Variants in MUC6 observed in about 807,000 individuals in gnomAD.
MUC6 encodes mucin-6.
A neutral mutation model predicts 201.5 loss-of-function variants in MUC6; 188 were observed. The ratio of observed to expected loss-of-function variants is 0.93; its 90% confidence interval spans 0.83 to 1.05. MUC6 has a LOEUF of 1.05. Among genes scored for constraint, MUC6 ranks in the 50% least tolerant of loss-of-function variants. The pLI, the probability that MUC6 is intolerant of heterozygous loss-of-function variation, is 0.00. For missense variants in MUC6, 2,706 were observed against 3,256.9 expected (o/e 0.83, Z 4.12); for synonymous variants, 1,228 against 1,389.4 (o/e 0.88, Z 2.58).
In MUC6 at chr11:1,032,367, G is replaced by T. The variant is rs189830686; in HGVS notation, c.116-314C>A. 2.0e-5 allele frequency among the ~76,000 whole-genome samples: 3 copies of T among 152,168 alleles called. No homozygotes were observed. In the East Asian group the frequency reaches 5.8e-4, roughly 29 times the overall value. ...CAGGTGTGTCCATGTGTGCATTGTG[G>T]GTGTGTGTGTGTTGGAGGGCTGTGT... On this transcript the variant is annotated intron_variant, in intron 2 of 32. Transcript: ENST00000421673.
chr11:1,036,623 G>C lies in MUC6; in HGVS notation c.33C>G (p.Cys11Trp). Residue 11 changes from cysteine to tryptophan, a missense_variant, in exon 1 of 33, where the codon TGC becomes TGG. By Grantham distance (215) the Cys-to-Trp change is radical. Coordinates refer to ENST00000421673, the MANE Select transcript of MUC6 (RefSeq NM_005961.3). Reference sequence around the variant, plus strand: ...ACTCACCAGCGCTGAGCAGGGCTCCGCAGCAGGACAGCAGCAGCCACCGCT... The same window carrying C: ...ACTCACCAGCGCTGAGCAGGGCTCCCCAGCAGGACAGCAGCAGCCACCGCT... Reference protein sequence around the residue: MVQRWLLLSCCGALLSAGLAN... With the variant: MVQRWLLLSCWGALLSAGLAN... The C allele has an allele frequency of 1.3e-6, 2 of 1,548,502 alleles. No homozygotes were observed. Among genetic ancestry groups the C allele is most frequent in the Non-Finnish European group, 1.7e-6 (2 of 1,146,478 alleles).
rs1345796367 is a variant in MUC6 at position 1,024,206 on chromosome 11, G to T, written c.3226-103C>A. On this transcript the variant is annotated intron_variant, in intron 24 of 32. Coordinates refer to ENST00000421673, the MANE Select transcript of MUC6 (RefSeq NM_005961.3). ...CAGTGTGGTCAGGCCGGAGTGTGGC[G>T]GTAAGGGCGCTGGGACTGGGTGAGC... 4 of 1,359,502 alleles carry T rather than the reference G, an allele frequency of 2.9e-6. No homozygotes were observed. The African/African-American group carries it at 4.3e-5, about 15-fold the overall frequency. 84.2% of individuals were successfully genotyped at this position (1,359,502 alleles called of 1,614,324 possible).
chr11:1,024,209 A>T (rs991919756), intron 24 of MUC6, 106 bp from the exon 25 acceptor site: 1 of 1,343,484 alleles, frequency 7.4e-7, no homozygotes, highest in Admixed American at 2.1e-5. Context: ...GTGTGGCGGT[A>T]AGGGCGCTGG....
In MUC6 at chr11:1,025,029, C is replaced by G; in HGVS notation, c.3040G>C (p.Glu1014Gln). The change falls in exon 24 of 33, where the codon GAG (glutamate) becomes CAG (glutamine). Residue 1014 changes from glutamate (E) to glutamine (Q), a missense_variant. Coordinates refer to ENST00000421673, the MANE Select transcript of MUC6 (RefSeq NM_005961.3). Reference protein sequence around the residue: ...NFNGNMKDDFETRSRYVASSE... With the variant: ...NFNGNMKDDFQTRSRYVASSE... ...GATGCCACGTACCTGCTGCGCGTCT[C>G]GAAGTCGTCCTTCATGTTCCCGTTG... The G allele has an allele frequency of 6.2e-7, 1 of 1,612,986 alleles. No homozygotes were observed.
intron 7 of MUC6, 31 bp from the exon 8 acceptor site, chr11:1,030,366 T>TGGCCCCCCCCCCCCCCCC: frequency 1.3e-6 from 2 of 1,489,568 alleles, no homozygotes; most frequent in African/African-American, 1.4e-5. Context: ...GGTGAGAGGG[T>TGGCCCCCCCCCCCCCCCC]CCCACCCCCC....
chr11:1,033,008 C>G lies in MUC6; in HGVS notation c.115+5G>C. On this transcript the variant is annotated splice_donor_5th_base_variant and intron_variant, in intron 2 of 32. Coordinates refer to ENST00000421673, the MANE Select transcript of MUC6 (RefSeq NM_005961.3). The surrounding 1 kb of genome is among the most constrained non-coding windows in gnomAD (Gnocchi z 5.6). ...CGGCAGGATCAGTGGCCGCTGTGTT[C>G]TTACCTGTCTGTGGAGAGTCCTTCA... is the stretch of plus-strand genomic sequence containing the variant. The G allele has an allele frequency of 6.3e-7, 1 of 1,591,542 alleles. No homozygotes were observed. The highest frequency in any genetic ancestry group is 1.1e-5 in the South Asian group (1 of 89,792).
At chr11:1,031,122 C>A in intron 5 of MUC6, 47 bp downstream of exon 5, 1 of 1,191,710 alleles carries the variant, frequency 8.4e-7, no homozygotes, top group South Asian at 1.5e-5. Flanking sequence ...GCCCTGCCCC[C>A]CACCTAGAGG....
chr11:1,015,387 G>A (rs1004078714), intron 31 of MUC6, among the ~76,000 whole-genome samples: 4 of 152,326 alleles, frequency 2.6e-5, no homozygotes, highest in African/African-American at 9.6e-5. Context: ...GAACCCTGGG[G>A]TTGGGCCAGC....
At chr11:1,013,778 G>T in intron 32 of MUC6, 121 bp downstream of exon 32, 1 of 1,384,414 alleles carries the variant, frequency 7.2e-7, no homozygotes, top group Non-Finnish European at 9.9e-7. Context: ...TGGGCAGATG[G>T]AGCGCAGAGT....
At position 1,030,710 on chromosome 11, in the gene MUC6, A is replaced by T; in HGVS notation, c.755T>A (p.Leu252Gln). The change falls in exon 7 of 33, where the codon CTA (leucine) becomes CAA (glutamine). Residue 252 changes from leucine to glutamine, a missense_variant. Coordinates refer to ENST00000421673, the MANE Select transcript of MUC6 (RefSeq NM_005961.3). ...ECSVSKEPFVLSCQADVAAAP... is the reference protein window; with the variant it reads ...ECSVSKEPFVQSCQADVAAAP... The stretch of plus-strand genomic sequence containing the variant: ...TGCGGCCACGTCCGCCTGGCAGCTT[A>T]GCACGAAGGGCTCCTTGGACACGCT... 6.5e-7 allele frequency: 1 copy of T among 1,547,118 alleles called. No individual in the cohort carries two copies.
In MUC6 at chr11:1,032,055, T is replaced by C. The variant is rs374969810; in HGVS notation, c.116-2A>G. The C allele has an allele frequency of 1.1e-5, 17 of 1,612,770 alleles. No individual in the cohort carries two copies. The highest frequency in any genetic ancestry group is 4.0e-5 in the African/African-American group (3 of 74,856). ...TGGAGCACTGGCCTTTGTCCGGGGC[T>C]ACAGAGAGAGCAGTGCTCACACAGC... On this transcript the variant is annotated splice_acceptor_variant, in intron 2 of 32. Coordinates refer to ENST00000421673, the MANE Select transcript of MUC6 (RefSeq NM_005961.3). LOFTEE classifies it high-confidence loss of function.
chr11:1,027,978 G>A lies in MUC6; in HGVS notation c.1835C>T (p.Ala612Val). Residue 612 changes from alanine (A) to valine (V), a missense_variant, in exon 15 of 33, where the codon GCA (alanine) becomes GTA (valine). Physicochemically the swap from Ala to Val is moderately conservative, Grantham distance 64. Around this residue, in one of 10 missense-constraint regions of MUC6, gnomAD observed 1,850 missense variants for 1,958.3 expected, o/e 0.94. Coordinates refer to ENST00000421673, the MANE Select transcript of MUC6 (RefSeq NM_005961.3). Reference protein sequence around the residue: ...FERCHATVNPAPFYKRCVYQA... With the variant: ...FERCHATVNPVPFYKRCVYQA... ...TCGGGCCCTCACCTTGTAGAAGGGT[G>A]CAGGGTTCACTGTGGCGTGGCACCT... 3.2e-6 allele frequency: 5 copies of A among 1,578,216 alleles called. No homozygotes were observed. The highest frequency in any genetic ancestry group is 1.3e-5 in the African/African-American group (1 of 74,108).
chr11:1,024,473 G>A (rs114683819), intron 24 of MUC6, among the ~76,000 whole-genome samples: 3,242 of 152,284 alleles, frequency 0.021, 128 homozygotes, highest in African/African-American at 0.074. Context: ...TTCTTACTGC[G>A]CCGCGATGGC....
intron 5 of MUC6, 54 bp downstream of exon 5, chr11:1,031,115 C>CCGG: frequency 7.9e-6 from 11 of 1,394,994 alleles, no homozygotes; most frequent in Non-Finnish European, 1.1e-5. Flanking sequence ...CCCCCCTGCC[C>CCGG]TGCCCCCCAC....
chr11:1,036,110 T>C (rs1554901511), intron 1 of MUC6, among the ~76,000 whole-genome samples: 1 of 151,564 alleles, frequency 6.6e-6, no homozygotes, highest in Non-Finnish European at 1.5e-5. Context: ...TCCCCCCTCT[T>C]CCCCCCACGG....
chr11:1,022,887 G>T (rs968524319), intron 26 of MUC6, among the ~76,000 whole-genome samples: 11 of 152,096 alleles, frequency 7.2e-5, no homozygotes, highest in African/African-American at 2.7e-4. Context: ...ATGTGCGTGA[G>T]TGAATGTTGA....
chr11:1,024,878 A>G lies in MUC6; in HGVS notation c.3191T>C (p.Ile1064Thr). The G allele has an allele frequency of 6.2e-7, 1 of 1,612,216 alleles. No individual in the cohort carries two copies. The highest frequency in any genetic ancestry group is 8.5e-7 in the Non-Finnish European group (1 of 1,179,554). ...GCAGGTGGCAAAGGTCTGGCTGTTGATGACGCTGCACTTGCGCTCGGCCCA... is the reference window on the plus strand; with the variant it reads ...GCAGGTGGCAAAGGTCTGGCTGTTGGTGACGCTGCACTTGCGCTCGGCCCA... Reference protein sequence around the residue: ...RSWAERKCSVINSQTFATCHS... With the variant: ...RSWAERKCSVTNSQTFATCHS... The change falls in exon 24 of 33, where the codon ATC becomes ACC. Residue 1064 changes from isoleucine to threonine, a missense_variant. Physicochemically the swap from Ile to Thr is moderately conservative, Grantham distance 89 (BLOSUM62 -1). Transcript: ENST00000421673.
Position 1,026,482 on chromosome 11 carries a change from G to C in MUC6, c.2395-4C>G, listed in dbSNP as rs1590049314. 6.3e-7 allele frequency: 1 copy of C among 1,580,992 alleles called. No homozygotes were observed. The highest frequency in any genetic ancestry group is 8.6e-7 in the Non-Finnish European group (1 of 1,164,482). ...CAGGCTCACACTTGGTGGGCACCTG[G>C]AGGGAGGCAGGTCAGCAGCTCCTGG... On this transcript the variant is annotated splice_polypyrimidine_tract_variant and splice_region_variant and intron_variant, in intron 19 of 32. Coordinates refer to ENST00000421673, the MANE Select transcript of MUC6 (RefSeq NM_005961.3).
chr11:1,026,388 A>G lies in MUC6; in HGVS notation c.2485T>C (p.Cys829Arg). 1 of 1,608,696 alleles carries G rather than the reference A, an allele frequency of 6.2e-7. No individual in the cohort carries two copies. Among genetic ancestry groups the G allele is most frequent in the Non-Finnish European group, 8.5e-7 (1 of 1,178,302 alleles). Residue 829 changes from cysteine (C) to arginine (R), a missense_variant, in exon 20 of 33, where the codon TGT becomes CGT. By Grantham distance (180) the Cys-to-Arg change is radical. Around this residue, in one of 10 missense-constraint regions of MUC6, gnomAD observed 1,850 missense variants for 1,958.3 expected, o/e 0.94. Coordinates refer to ENST00000421673, the MANE Select transcript of MUC6 (RefSeq NM_005961.3). Reference sequence around the variant, plus strand: ...GGGTAGGAGACCCCCGAGAACTCACATGGGCACTCCTCGGGGGGCACACAC... The same window carrying G: ...GGGTAGGAGACCCCCGAGAACTCACGTGGGCACTCCTCGGGGGGCACACAC... ...GQCVPPEECP[C>R]EFSGVSYPGG...
Sources: allele counts gnomAD v4.1 joint callset (sites outside exome capture counted in the v4.1 genomes callset), GRCh38; gene constraint gnomAD v4.1.1; regional missense constraint gnomAD v4.1.1; non-coding constraint Gnocchi (gnomAD v3.1); transcripts MANE v1.5; gene names NCBI Gene and HGNC (gene_info 2026-07-23, HGNC 2026-07-21).